Variants in PATJ observed in about 807,000 individuals in gnomAD.
PATJ encodes the protein inaD-like protein.
PATJ carries 190 observed loss-of-function variants against 224.9 expected under a neutral mutation model. That is an observed-to-expected ratio of 0.84 (90% CI 0.75 to 0.95). PATJ has a LOEUF of 0.95. Ranked by LOEUF, PATJ falls within the 40% of genes least tolerant of loss-of-function variation. The pLI, the probability that PATJ is intolerant of heterozygous loss-of-function variation, is 0.00. For synonymous variants in PATJ, 769 were observed against 820.3 expected (o/e 0.94, Z 1.07); for missense variants, 2,121 against 2,270.3 (o/e 0.93, Z 1.34).
At chr1:62,013,513 A>G in intron 28 of PATJ, 5 of 985,150 alleles carry the variant, frequency 5.1e-6, no homozygotes, top group Non-Finnish European at 6.0e-6. Context: ...TGCCCTAAGG[A>G]GCTCCACTCA....
At chr1:61,935,894 A>G (rs537007604) in intron 27 of PATJ, among the ~76,000 whole-genome samples, 231 of 152,262 alleles carry the variant, frequency 1.5e-3, no homozygotes, top group African/African-American at 5.3e-3. Flanking sequence ...GTTTTATTTC[A>G]ATTATTTTAA....
At chr1:61,895,488 G>C (rs1557837315) in intron 22 of PATJ, among the ~76,000 whole-genome samples, 1 of 152,226 alleles carries the variant, frequency 6.6e-6, no homozygotes, top group Non-Finnish European at 1.5e-5. Context: ...GTGGCTAAAA[G>C]GCGCCAAGGT....
intron 27 of PATJ, among the ~76,000 whole-genome samples, chr1:61,959,865 A>G (rs148736123): frequency 2.3e-4 from 35 of 152,086 alleles, no homozygotes; most frequent in African/African-American, 8.2e-4. Flanking sequence ...TCTACAAAAA[A>G]CTTAAAAATT....
At chr1:61,911,695 T>TATATATATATATA (rs1672666028) in intron 25 of PATJ, among the ~76,000 whole-genome samples, 132 of 140,578 alleles carry the variant, frequency 9.4e-4, no homozygotes, top group Non-Finnish European at 1.6e-3. Flanking sequence ...CTATATATTT[T>TATATATATATATA]TATATATATA....
intron 33 of PATJ, among the ~76,000 whole-genome samples, chr1:62,093,442 C>T (rs1441443934): frequency 7.2e-5 from 11 of 152,280 alleles, no homozygotes; most frequent in South Asian, 2.1e-4. Flanking sequence ...TTCCCCCTGA[C>T]GTGAACTTTG....
chr1:62,064,598 C>CTGGG (rs1301689172), intron 31 of PATJ, among the ~76,000 whole-genome samples: 1 of 152,198 alleles, frequency 6.6e-6, no homozygotes, highest in Non-Finnish European at 1.5e-5. Context: ...TCCCAAAGTG[C>CTGGG]TGGGTGGCAT....
chr1:61,862,062 C>G (rs1664692896), intron 19 of PATJ, among the ~76,000 whole-genome samples: 1 of 152,046 alleles, frequency 6.6e-6, no homozygotes, highest in South Asian at 2.1e-4. Flanking sequence ...GAGGTTTTAT[C>G]ACGTTGCCCA....
rs1663867630 is a variant in PATJ at position 62,111,895 on chromosome 1, CG to C, written c.4462-2157del. 2.6e-5 allele frequency among the ~76,000 whole-genome samples: 4 copies of C among 151,664 alleles called. No homozygotes were observed. The Middle Eastern group carries it at 0.014, about 519-fold the overall frequency. On this transcript the variant is annotated intron_variant, in intron 34 of 43. Transcript: ENST00000642238. ...CAGGCTGGTCTTGAACTCCTGACCT[CG>C]TGATCTGCCTGCCTCGGCCTCCCAA...
intron 27 of PATJ, among the ~76,000 whole-genome samples, chr1:61,954,755 GTTT>G (rs1553219493): frequency 1.3e-5 from 1 of 74,288 alleles, no homozygotes; most frequent in Non-Finnish European, 3.3e-5. Context: ...AAACTCTATT[GTTT>G]TTTTTTTTTT....
At chr1:62,120,937 G>T (rs1664972389) in intron 37 of PATJ, 3 of 416,694 alleles carry the variant, frequency 7.2e-6, no homozygotes, top group South Asian at 7.2e-5. Flanking sequence ...CTCCACCTTG[G>T]TGATTGAAAC....
At chr1:61,860,451 G>A (rs943874382) in intron 18 of PATJ, among the ~76,000 whole-genome samples, 1 of 152,134 alleles carries the variant, frequency 6.6e-6, no homozygotes, top group African/African-American at 2.4e-5. Flanking sequence ...ATGGGTTTTT[G>A]CTTAGTTATG....
At chr1:61,847,338 C>G (rs1662130409) in intron 17 of PATJ, among the ~76,000 whole-genome samples, 1 of 152,148 alleles carries the variant, frequency 6.6e-6, no homozygotes, top group Non-Finnish European at 1.5e-5. Flanking sequence ...TTAGCAGGTT[C>G]CTTTGTCCAC....
At chr1:61,865,366 A>G (rs1570973254) in intron 20 of PATJ, 1 of 151,530 alleles carries the variant, frequency 6.6e-6, no homozygotes, top group African/African-American at 2.4e-5. Flanking sequence ...GACCACAGGC[A>G]TGTACCACCA....
chr1:61,996,957 G>A (rs1011770636), intron 28 of PATJ, among the ~76,000 whole-genome samples: 1 of 151,980 alleles, frequency 6.6e-6, no homozygotes, highest in East Asian at 1.9e-4. Flanking sequence ...GGCCAGGCTA[G>A]TCTCGAACTC....
chr1:62,041,757 G>A (rs987510172), intron 30 of PATJ, among the ~76,000 whole-genome samples: 8 of 151,894 alleles, frequency 5.3e-5, no homozygotes, highest in South Asian at 4.2e-4. Context: ...TAGGCCGGGC[G>A]TGGTGGCTCA....
At chr1:61,813,437 A>G (rs556540401) in intron 14 of PATJ, among the ~76,000 whole-genome samples, 24 of 149,050 alleles carry the variant, frequency 1.6e-4, no homozygotes, top group Admixed American at 1.2e-3. Flanking sequence ...TAACTCTGGT[A>G]TAAATGGGCA....
chr1:62,092,422 A>G (rs1570556514), intron 33 of PATJ, among the ~76,000 whole-genome samples: 1 of 151,738 alleles, frequency 6.6e-6, no homozygotes. Context: ...CTCTTTTTAG[A>G]TTTAGATATT....
At chr1:61,774,038 T>A (rs938937006) in intron 6 of PATJ, among the ~76,000 whole-genome samples, 2 of 140,452 alleles carry the variant, frequency 1.4e-5, no homozygotes, top group African/African-American at 5.5e-5. Context: ...GAGAATGGCG[T>A]GAACCTGGGA....
At chr1:62,081,918 A>T (rs1267986708) in intron 32 of PATJ, among the ~76,000 whole-genome samples, 5 of 152,244 alleles carry the variant, frequency 3.3e-5, no homozygotes, top group Non-Finnish European at 7.3e-5. Flanking sequence ...CCACTATCGT[A>T]CGTCATTTTT....
Sources: gnomAD v4.1 joint callset for allele counts (sites outside exome capture counted in the v4.1 genomes callset) on GRCh38, gnomAD v4.1.1 for gene constraint, MANE v1.5 for transcripts, NCBI Gene and HGNC (gene_info 2026-07-23, HGNC 2026-07-21) for gene names.